Variants in TMEM243 observed in about 807,000 individuals in gnomAD.
The protein encoded by TMEM243 is transmembrane protein 243.
In TMEM243, 20 loss-of-function variants were observed where a neutral mutation model predicts 15.0. The observed-to-expected ratio is 1.33, with a 90% CI of 0.94 to 1.93. The LOEUF (loss-of-function observed/expected upper bound fraction) is 1.93, where lower values mean the gene tolerates loss of function less well. Ranked by LOEUF, TMEM243 falls within the 30% of genes most tolerant of loss-of-function variation. TMEM243 has a pLI of 0.00. For synonymous variants in TMEM243, 72 were observed against 52.7 expected (o/e 1.37, Z -1.59); for missense variants, 156 against 142.1 (o/e 1.10, Z -0.50).
intron 1 of TMEM243, among the ~76,000 whole-genome samples, chr7:87,215,930 C>T (rs573100737): frequency 7.2e-5 from 11 of 152,152 alleles, no homozygotes; most frequent in Admixed American, 6.5e-4. Flanking sequence ...CTTGAGGCCA[C>T]TAGTTTGAGA....
upstream of TMEM243, chr7:87,220,495 C>T (rs1279373809): frequency 1.3e-5 from 2 of 152,298 alleles, no homozygotes. Context: ...AGAGGAATCG[C>T]GCGGTCCCGT....
At chr7:87,219,339 C>A in intron 1 of TMEM243, 87 bp downstream of exon 1, 2 of 1,329,264 alleles carry the variant, frequency 1.5e-6, no homozygotes, top group Non-Finnish European at 2.2e-6. Flanking sequence ...CTTTTAGGAG[C>A]CGCAGAAAGA....
intron 1 of TMEM243, among the ~76,000 whole-genome samples, chr7:87,202,068 G>T (rs1412343218): frequency 1.3e-5 from 2 of 152,158 alleles, no homozygotes; most frequent in African/African-American, 4.8e-5. Context: ...TATATATATA[G>T]TTGAGATTTC....
At chr7:87,215,368 T>G (rs1476775319) in intron 1 of TMEM243, among the ~76,000 whole-genome samples, 1 of 152,158 alleles carries the variant, frequency 6.6e-6, no homozygotes, top group African/African-American at 2.4e-5. Context: ...CCTCCCAAAG[T>G]GCTGGGATTA....
At chr7:87,210,949 G>A (rs1802702940) in intron 1 of TMEM243, among the ~76,000 whole-genome samples, 1 of 152,218 alleles carries the variant, frequency 6.6e-6, no homozygotes, top group Admixed American at 6.5e-5. Flanking sequence ...ACCCTCTTAA[G>A]CAACAGCTCA....
At chr7:87,196,805 T>C (rs1801306311) in intron 3 of TMEM243, 47 bp from the exon 4 acceptor site, 1 of 1,332,202 alleles carries the variant, frequency 7.5e-7, no homozygotes, top group East Asian at 2.6e-5. Flanking sequence ...AAATATAACA[T>C]TTTCTCTACC....
chr7:87,197,726 A>G, intron 3 of TMEM243: 3 of 578,034 alleles, frequency 5.2e-6, no homozygotes, highest in Non-Finnish European at 7.0e-6. Context: ...TAAGCTATCA[A>G]GGGAGTGGAA....
At chr7:87,199,195 A>G (rs895808713) in intron 1 of TMEM243, 138 bp from the exon 2 acceptor site, 4 of 637,668 alleles carry the variant, frequency 6.3e-6, no homozygotes, top group African/African-American at 5.7e-5. Flanking sequence ...TAAAACTACC[A>G]GACAAAGCAA....
In TMEM243 at chr7:87,219,692, C is replaced by T. The variant is rs1003404120; in HGVS notation, c.-189G>A. 1.7e-6 allele frequency: 1 copy of T among 596,576 alleles called. No homozygotes were observed. Among genetic ancestry groups the T allele is most frequent in the South Asian group, 2.1e-5 (1 of 48,254 alleles). The allele number at this position is 596,576 out of a possible 1,614,324, so 37.0% of individuals were successfully genotyped here. A position where few individuals can be genotyped will look rare whatever the true frequency, so the allele number is the denominator to read the frequency against. On this transcript the variant is annotated 5_prime_UTR_variant, in exon 1 of 4. Coordinates refer to ENST00000257637, the MANE Select transcript of TMEM243 (RefSeq NM_024315.4). ...GGGGAACGCGACTGCTCCGCCCCGG[C>T]CCCGCGCACCTCCTCATCTTGAGCA...
At chr7:87,209,691 A>ACACAGT (rs1802539271) in intron 1 of TMEM243, among the ~76,000 whole-genome samples, 3 of 136,786 alleles carry the variant, frequency 2.2e-5, no homozygotes, top group Non-Finnish European at 4.7e-5. Context: ...ACACAGCGAG[A>ACACAGT]GAGCGAGACA....
At chr7:87,209,608 G>C (rs1179644437) in intron 1 of TMEM243, among the ~76,000 whole-genome samples, 2 of 139,106 alleles carry the variant, frequency 1.4e-5, no homozygotes, top group African/African-American at 5.5e-5. Context: ...GAGAGAGAGA[G>C]AGACAGAGAG....
chr7:87,208,318 T>A (rs1251393218), intron 1 of TMEM243, among the ~76,000 whole-genome samples: 1 of 152,186 alleles, frequency 6.6e-6, no homozygotes, highest in East Asian at 1.9e-4. Context: ...AATACACACA[T>A]TCCAAAATCA....
intron 1 of TMEM243, among the ~76,000 whole-genome samples, chr7:87,213,186 T>C (rs538122225): frequency 6.6e-6 from 1 of 152,208 alleles, no homozygotes; most frequent in Non-Finnish European, 1.5e-5. Context: ...CAACCCTTCC[T>C]ATGCACCAGC....
At chr7:87,219,281 T>A (rs1243366830) in intron 1 of TMEM243, 145 bp downstream of exon 1, 2 of 762,972 alleles carry the variant, frequency 2.6e-6, no homozygotes, top group Admixed American at 2.4e-5. Context: ...CGGGCAAACA[T>A]CTTGAGAGGG....
At chr7:87,200,455 CTA>C (rs1801711086) in intron 1 of TMEM243, among the ~76,000 whole-genome samples, 2 of 152,176 alleles carry the variant, frequency 1.3e-5, no homozygotes, top group Admixed American at 1.3e-4. Flanking sequence ...GGGAGCCCCA[CTA>C]TTTTTGAGAA....
chr7:87,217,249 A>G (rs1803179608), intron 1 of TMEM243, among the ~76,000 whole-genome samples: 1 of 152,242 alleles, frequency 6.6e-6, no homozygotes, highest in South Asian at 2.1e-4. Context: ...GTTCACTAAC[A>G]GCAAGTTTCC....
In TMEM243 at chr7:87,219,519, C is replaced by T; in HGVS notation, c.-16G>A. 6.2e-7 allele frequency: 1 copy of T among 1,613,528 alleles called. No homozygotes were observed. The highest frequency in any genetic ancestry group is 2.2e-5 in the East Asian group (1 of 44,896). On this transcript the variant is annotated 5_prime_UTR_variant, in exon 1 of 4. In the 5' UTR this introduces an upstream ATG that the reference lacks. Transcript: ENST00000257637. ...AGTCCTCCATTTTGGGGTTTCTTCA[C>T]TTTCCCCAAGCCACTTAAAAGCAAG... is the stretch of plus-strand genomic sequence containing the variant.
intron 1 of TMEM243, among the ~76,000 whole-genome samples, chr7:87,209,113 C>G (rs2129230796): frequency 6.6e-6 from 1 of 152,332 alleles, no homozygotes; most frequent in East Asian, 1.9e-4. Context: ...CCTCAGGTTC[C>G]CAGTCCTACC....
intron 1 of TMEM243, among the ~76,000 whole-genome samples, chr7:87,201,932 TGA>T (rs1405057867): frequency 5.9e-5 from 9 of 152,222 alleles, no homozygotes; most frequent in Non-Finnish European, 1.2e-4. Flanking sequence ...CCTTGCCTGC[TGA>T]GAGGACAGGA....
Sources: allele counts gnomAD v4.1 joint callset (sites outside exome capture counted in the v4.1 genomes callset), GRCh38; gene constraint gnomAD v4.1.1; transcripts MANE v1.5; gene names NCBI Gene and HGNC (gene_info 2026-07-23, HGNC 2026-07-21).